TAF2: variants seen among roughly 807,000 people sequenced by gnomAD.
The protein encoded by TAF2 is TATA-box binding protein associated factor 2.
TAF2 carries 61 observed loss-of-function variants against 138.5 expected under a neutral mutation model. The ratio of observed to expected loss-of-function variants is 0.44; its 90% confidence interval spans 0.36 to 0.54. TAF2 has a LOEUF of 0.54. Ranked by LOEUF, TAF2 falls within the 20% of genes least tolerant of loss-of-function variation. The probability of loss-of-function intolerance (pLI) is 0.00; values close to 1 mark genes in which losing one functional copy is unlikely to be tolerated. For missense variants in TAF2, 1,090 were observed against 1,427.9 expected, an observed-to-expected ratio of 0.76 and a Z score of 3.81; for synonymous variants, 475 against 469.9, an observed-to-expected ratio of 1.01 and a Z score of -0.14.
intron 14 of TAF2, among the ~76,000 whole-genome samples, chr8:119,787,497 A>G (rs1823104328): frequency 6.6e-6 from 1 of 152,240 alleles, no homozygotes; most frequent in Admixed American, 6.5e-5. Flanking sequence ...AAAGCTCATC[A>G]TCACTGGTCA....
At chr8:119,778,710 C>A (rs946814031) in intron 17 of TAF2, among the ~76,000 whole-genome samples, 1 of 152,178 alleles carries the variant, frequency 6.6e-6, no homozygotes, top group African/African-American at 2.4e-5. Flanking sequence ...CAATCCTCAA[C>A]CTAAGGACAA....
intron 1 of TAF2, among the ~76,000 whole-genome samples, chr8:119,831,972 AAC>A (rs996173017): frequency 6.6e-5 from 10 of 152,172 alleles, no homozygotes; most frequent in Non-Finnish European, 8.8e-5. Context: ...CAGCCTGGCC[AAC>A]AGAGTGAAAC....
chr8:119,790,021 T>C, intron 11 of TAF2, among the ~76,000 whole-genome samples: 1 of 152,218 alleles, frequency 6.6e-6, no homozygotes, highest in East Asian at 1.9e-4. Flanking sequence ...ATAATACCTA[T>C]AATTTATTGT....
At chr8:119,814,737 CAAAAAA>C (rs397795248) in intron 3 of TAF2, among the ~76,000 whole-genome samples, 13 of 86,488 alleles carry the variant, frequency 1.5e-4, no homozygotes, top group South Asian at 4.2e-4. Flanking sequence ...ACCAAAAATA[CAAAAAA>C]AAAAAAAAAA....
intron 25 of TAF2, among the ~76,000 whole-genome samples, chr8:119,733,155 T>G (rs1293439308): frequency 1.3e-5 from 2 of 152,168 alleles, no homozygotes; most frequent in Non-Finnish European, 2.9e-5. Flanking sequence ...GACTCTATTT[T>G]CTTTGTGCCA....
At chr8:119,799,032 T>A (rs2131197131) in intron 6 of TAF2, among the ~76,000 whole-genome samples, 1 of 152,270 alleles carries the variant, frequency 6.6e-6, no homozygotes, top group South Asian at 2.1e-4. Flanking sequence ...CAGAGAAGAC[T>A]AAGTCAGGAA....
chr8:119,771,369 G>A (rs540326471), intron 18 of TAF2, among the ~76,000 whole-genome samples: 8 of 152,094 alleles, frequency 5.3e-5, no homozygotes, highest in African/African-American at 1.7e-4. Flanking sequence ...CTGAGTAGCT[G>A]GGATTACAAG....
At chr8:119,765,481 C>G (rs1821359336) in intron 18 of TAF2, among the ~76,000 whole-genome samples, 1 of 151,950 alleles carries the variant, frequency 6.6e-6, no homozygotes, top group Non-Finnish European at 1.5e-5. Context: ...AACAAAAGTA[C>G]AAGAGGCATG....
intron 8 of TAF2, among the ~76,000 whole-genome samples, chr8:119,795,964 C>T (rs1823796408): frequency 6.6e-6 from 1 of 152,090 alleles, no homozygotes; most frequent in Admixed American, 6.5e-5. Flanking sequence ...GAAATACTTG[C>T]TCATAGCCAG....
chr8:119,830,225 A>G (rs1826360755), intron 2 of TAF2, among the ~76,000 whole-genome samples: 1 of 152,092 alleles, frequency 6.6e-6, no homozygotes, highest in East Asian at 1.9e-4. Context: ...TAGCTGCCTC[A>G]ATCATGCCTT....
intron 21 of TAF2, among the ~76,000 whole-genome samples, chr8:119,756,696 G>C (rs2326377): frequency 6.6e-6 from 1 of 151,992 alleles, no homozygotes; most frequent in Non-Finnish European, 1.5e-5. Context: ...GTTGAGAAGA[G>C]TATCCTAAAA....
chr8:119,796,141 T>C (rs886697240), intron 8 of TAF2, among the ~76,000 whole-genome samples: 3 of 151,986 alleles, frequency 2.0e-5, no homozygotes, highest in Non-Finnish European at 4.4e-5. Context: ...TATTCATTTG[T>C]ATACTCATCC....
intron 22 of TAF2, among the ~76,000 whole-genome samples, chr8:119,750,809 G>A (rs1018120542): frequency 6.6e-6 from 1 of 152,152 alleles, no homozygotes; most frequent in East Asian, 1.9e-4. Flanking sequence ...TCCCTTGAGT[G>A]TAGTTGTAAA....
At chr8:119,754,311 G>C (rs536905990) in intron 22 of TAF2, among the ~76,000 whole-genome samples, 1 of 152,264 alleles carries the variant, frequency 6.6e-6, no homozygotes, top group East Asian at 1.9e-4. Context: ...AGCCAGTGAA[G>C]TAGCTACTAA....
intron 16 of TAF2, among the ~76,000 whole-genome samples, chr8:119,782,382 T>C (rs1051088572): frequency 3.9e-5 from 6 of 152,224 alleles, no homozygotes; most frequent in Non-Finnish European, 7.3e-5. Flanking sequence ...GATTTTAGCA[T>C]ACAGGGATCA....
intron 2 of TAF2, among the ~76,000 whole-genome samples, chr8:119,824,125 G>A (rs977964617): frequency 2.0e-5 from 3 of 152,028 alleles, no homozygotes; most frequent in South Asian, 2.1e-4. Flanking sequence ...TTTGCAGCCC[G>A]ACAATGATAG....
chr8:119,772,225 A>G (rs1821892533), intron 18 of TAF2, among the ~76,000 whole-genome samples: 1 of 152,250 alleles, frequency 6.6e-6, no homozygotes, highest in Non-Finnish European at 1.5e-5. Context: ...TCAAAAAGAG[A>G]GATCTCAAAT....
Position 119,802,124 on chromosome 8 carries a change from A to G in TAF2, c.561-99T>C, listed in dbSNP as rs1275675068. 5.7e-6 allele frequency: 6 copies of G among 1,052,900 alleles called. No individual in the cohort carries two copies. In the East Asian group the frequency reaches 1.3e-4, roughly 23 times the overall value. 65.2% of individuals were successfully genotyped at this position (1,052,900 alleles called of 1,614,324 possible). A position where few individuals can be genotyped will look rare whatever the true frequency, so the allele number is the denominator to read the frequency against. The stretch of plus-strand genomic sequence containing the variant: ...TTTTAGCATTTCTAGAAAATGAACA[A>G]ACAAAACCTTTAGCTATTTGGCTAC... On this transcript the variant is annotated intron_variant, in intron 5 of 25. Coordinates refer to ENST00000378164, the MANE Select transcript of TAF2 (RefSeq NM_003184.4).
intron 2 of TAF2, among the ~76,000 whole-genome samples, chr8:119,825,110 C>G (rs1414480581): frequency 6.6e-6 from 1 of 152,260 alleles, no homozygotes; most frequent in Non-Finnish European, 1.5e-5. Context: ...AGCCGGGAGG[C>G]TGCAACCTGC....
Sources: gnomAD v4.1 joint callset for allele counts (sites outside exome capture counted in the v4.1 genomes callset) on GRCh38, gnomAD v4.1.1 for gene constraint, MANE v1.5 for transcripts, NCBI Gene and HGNC (gene_info 2026-07-23, HGNC 2026-07-21) for gene names.